The following AKT3 variants were observed in gnomAD, a reference collection of about 807,000 sequenced individuals.
AKT3 encodes AKT serine/threonine kinase 3, also known as RAC-gamma serine/threonine-protein kinase.
A neutral mutation model predicts 65.3 loss-of-function variants in AKT3; 15 were observed. The ratio of observed to expected loss-of-function variants is 0.23; its 90% CI spans 0.15 to 0.35. The LOEUF is 0.35. Among genes scored for constraint, AKT3 ranks in the 10% least tolerant of loss-of-function variants. AKT3 has a pLI of 1.00. For synonymous variants in AKT3, 206 were observed against 183.8 expected, an observed-to-expected ratio of 1.12 and a Z score of -0.98; for missense variants, 243 against 576.5, an observed-to-expected ratio of 0.42 and a Z score of 5.92.
intron 2 of AKT3, among the ~76,000 whole-genome samples, chr1:243,825,194 C>G (rs931242362): frequency 6.6e-6 from 1 of 152,058 alleles, no homozygotes; most frequent in Admixed American, 6.6e-5. Context: ...TAAGTGGGAG[C>G]TGAACAATGA....
chr1:243,574,277 T>C (rs1343955734), intron 8 of AKT3, among the ~76,000 whole-genome samples: 1 of 141,276 alleles, frequency 7.1e-6, no homozygotes, highest in Middle Eastern at 3.3e-3. Flanking sequence ...CTTAACAGCA[T>C]ATTATAAGAT....
intron 2 of AKT3, among the ~76,000 whole-genome samples, chr1:243,797,280 G>C (rs1346204848): frequency 6.6e-6 from 1 of 151,988 alleles, no homozygotes; most frequent in Non-Finnish European, 1.5e-5. Flanking sequence ...TAATTATCTG[G>C]CACATATCAT....
At chr1:243,843,601 A>G in intron 1 of AKT3, 2 of 996,974 alleles carry the variant, frequency 2.0e-6, no homozygotes, top group Non-Finnish European at 1.2e-6. Flanking sequence ...AGGGAAGAGA[A>G]TGAAAGTTAA....
chr1:243,635,543 G>C (rs1679912826), intron 6 of AKT3, among the ~76,000 whole-genome samples: 1 of 151,802 alleles, frequency 6.6e-6, no homozygotes, highest in Non-Finnish European at 1.5e-5. Context: ...TAAGGAATGA[G>C]GGAAATAGAA....
chr1:243,727,880 A>C (rs981161854), intron 2 of AKT3, among the ~76,000 whole-genome samples: 12 of 152,324 alleles, frequency 7.9e-5, no homozygotes, highest in African/African-American at 2.9e-4. Context: ...CACTGATTTG[A>C]TATTTAGGCA....
intron 8 of AKT3, among the ~76,000 whole-genome samples, chr1:243,579,842 G>A (rs368074835): frequency 1.3e-5 from 2 of 152,118 alleles, no homozygotes; most frequent in South Asian, 4.2e-4. Flanking sequence ...AAAGTATACA[G>A]GAAAATGACA....
intron 4 of AKT3, among the ~76,000 whole-genome samples, chr1:243,658,593 A>C (rs928966464): frequency 6.6e-6 from 1 of 152,228 alleles, no homozygotes; most frequent in Non-Finnish European, 1.5e-5. Flanking sequence ...AGAACTACCA[A>C]ATGAACCAGC....
chr1:243,531,509 AAATAC>A (rs959758229), intron 12 of AKT3, among the ~76,000 whole-genome samples: 2 of 152,230 alleles, frequency 1.3e-5, no homozygotes, highest in Non-Finnish European at 2.9e-5. Flanking sequence ...ATTTTGTCAT[AAATAC>A]AATGCTTTTT....
rs188222369 is a variant in AKT3 at position 243,758,647 on chromosome 1, C to T, written c.47-62931G>A. ...AAGGTGTCGGGCTGAAACTGTTCCA[C>T]TCAGATCATCAGGCATTAGATTTCA... On this transcript the variant is annotated intron_variant, in intron 2 of 13. Coordinates refer to ENST00000673466, the MANE Select transcript of AKT3 (RefSeq NM_005465.7). Among the ~76,000 whole-genome samples, 156 of 152,262 alleles carry T rather than the reference C, an allele frequency of 1.0e-3. 1 individual carries two copies. Among genetic ancestry groups the T allele is most frequent in the Admixed American group, 0.01 (155 of 15,300 alleles).
At chr1:243,622,681 T>C (rs1291304746) in intron 6 of AKT3, among the ~76,000 whole-genome samples, 3 of 152,166 alleles carry the variant, frequency 2.0e-5, no homozygotes, top group Admixed American at 6.5e-5. Flanking sequence ...CTCTAGAACA[T>C]AAATCACTGA....
intron 13 of AKT3, chr1:243,488,948 C>T: frequency 6.2e-7 from 1 of 1,610,562 alleles, no homozygotes; most frequent in Non-Finnish European, 8.5e-7. Context: ...CAGATACACA[C>T]AGCCCCTGGG....
At chr1:243,613,310 G>C (rs1038469421) in intron 8 of AKT3, among the ~76,000 whole-genome samples, 2 of 151,418 alleles carry the variant, frequency 1.3e-5, no homozygotes, top group Non-Finnish European at 2.9e-5. Context: ...AATAACTTTT[G>C]ACCATGTTCA....
intron 2 of AKT3, among the ~76,000 whole-genome samples, chr1:243,707,800 C>T (rs1302018459): frequency 6.6e-6 from 1 of 152,032 alleles, no homozygotes; most frequent in African/African-American, 2.4e-5. Flanking sequence ...AATATCAGGT[C>T]TTTACCTCTA....
At chr1:243,583,942 C>G (rs1433012308) in intron 8 of AKT3, among the ~76,000 whole-genome samples, 2 of 151,406 alleles carry the variant, frequency 1.3e-5, no homozygotes, top group Non-Finnish European at 2.9e-5. Flanking sequence ...AACCCATAAG[C>G]TAGCAGAAGA....
At chr1:243,792,005 T>C (rs919524116) in intron 2 of AKT3, among the ~76,000 whole-genome samples, 1 of 152,216 alleles carries the variant, frequency 6.6e-6, no homozygotes, top group African/African-American at 2.4e-5. Context: ...TGTCAAAATG[T>C]TTATTCTCAA....
intron 6 of AKT3, among the ~76,000 whole-genome samples, chr1:243,615,584 A>G (rs1678239365): frequency 6.6e-6 from 1 of 152,204 alleles, no homozygotes. Context: ...CCCAATAAAT[A>G]TCAAAGAATT....
At chr1:243,731,081 G>A (rs1016886787) in intron 2 of AKT3, among the ~76,000 whole-genome samples, 5 of 152,208 alleles carry the variant, frequency 3.3e-5, no homozygotes, top group African/African-American at 9.7e-5. Context: ...AAGCAGGGGC[G>A]CCACAGGCCA....
intron 2 of AKT3, among the ~76,000 whole-genome samples, chr1:243,749,934 T>C (rs1688698709): frequency 1.3e-5 from 2 of 152,206 alleles, no homozygotes; most frequent in South Asian, 4.1e-4. Context: ...CCTGAAATAA[T>C]GCTGTAATAA....
At chr1:243,540,711 C>A (rs966822407) in intron 12 of AKT3, among the ~76,000 whole-genome samples, 36 of 152,116 alleles carry the variant, frequency 2.4e-4, no homozygotes, top group African/African-American at 8.7e-4. Context: ...CAGGACCCAA[C>A]CCAGGATCCC....
Sources: allele counts gnomAD v4.1 joint callset (sites outside exome capture counted in the v4.1 genomes callset), GRCh38; gene constraint gnomAD v4.1.1; transcripts MANE v1.5; gene names NCBI Gene and HGNC (gene_info 2026-07-23, HGNC 2026-07-21).